The following REPS1 variants were observed in gnomAD, a reference collection of about 807,000 sequenced individuals.
The protein encoded by REPS1 is ralBP1-associated Eps domain-containing protein 1.
In REPS1, 39 loss-of-function variants were observed where a neutral mutation model predicts 100.9. The ratio of observed to expected loss-of-function variants is 0.39; its 90% CI spans 0.30 to 0.50. The LOEUF is 0.50. Ranked by LOEUF, REPS1 falls within the 20% of genes least tolerant of loss-of-function variation. REPS1 has a pLI of 0.86. For missense variants in REPS1, 821 were observed against 968.5 expected (o/e 0.85, Z 2.02); for synonymous variants, 324 against 340.3 (o/e 0.95, Z 0.53).
chr6:138,940,152 C>T (rs1244170990), intron 8 of REPS1, among the ~76,000 whole-genome samples: 2 of 152,180 alleles, frequency 1.3e-5, no homozygotes, highest in Non-Finnish European at 2.9e-5. Flanking sequence ...TAATTTCATG[C>T]ATCTGATTCC....
chr6:138,955,451 A>AG (rs2128487307), intron 1 of REPS1, among the ~76,000 whole-genome samples: 1 of 69,214 alleles, frequency 1.4e-5, no homozygotes, highest in Non-Finnish European at 2.6e-5. Flanking sequence ...AAAAAAAAAA[A>AG]AAAAAAGTGT....
At chr6:138,921,976 A>AGTGTGTGTGTGTGT (rs71895504) in intron 10 of REPS1, among the ~76,000 whole-genome samples, 618 of 148,596 alleles carry the variant, frequency 4.2e-3, no homozygotes, top group Middle Eastern at 0.01. Context: ...CATCTCAAAA[A>AGTGTGTGTGTGTGT]GTGTGTGTGT....
At chr6:138,933,137 G>A (rs1243234478) in intron 8 of REPS1, among the ~76,000 whole-genome samples, 1 of 152,200 alleles carries the variant, frequency 6.6e-6, no homozygotes, top group East Asian at 1.9e-4. Flanking sequence ...TAACCTTTAA[G>A]AAATACCATT....
chr6:138,971,510 G>C, intron 1 of REPS1, among the ~76,000 whole-genome samples: 1 of 151,906 alleles, frequency 6.6e-6, no homozygotes, highest in East Asian at 1.9e-4. Context: ...AAGGTGTCCA[G>C]ATTCTACCAT....
chr6:138,919,940 C>A (rs946830674), intron 12 of REPS1, among the ~76,000 whole-genome samples: 3 of 152,110 alleles, frequency 2.0e-5, no homozygotes, highest in Non-Finnish European at 2.9e-5. Context: ...AAAGTATACA[C>A]AATTTCTTGT....
chr6:138,983,889 A>T (rs1785095322), intron 1 of REPS1, among the ~76,000 whole-genome samples: 1 of 152,178 alleles, frequency 6.6e-6, no homozygotes, highest in Non-Finnish European at 1.5e-5. Flanking sequence ...CTGAATTGCC[A>T]TCTAAGAATG....
intron 13 of REPS1, 53 bp downstream of exon 13, chr6:138,917,501 CA>C: frequency 7.5e-7 from 1 of 1,337,734 alleles, no homozygotes; most frequent in Non-Finnish European, 1.1e-6. Context: ...TAGTTTTAAA[CA>C]TTAAAACGCA....
In REPS1 at chr6:138,987,587, G is replaced by A; in HGVS notation, c.96C>T (p.Asn32=). ...DIESTKKVVV[N]GRVLELFRAA... is the part of the protein sequence containing the mutation. ...CCCGGAACAGCTCCAGCACCCGCCC[G>A]TTGACCACCACCTTCTTGGTGCTCT... Residue 32 remains asparagine, a synonymous_variant, in exon 1 of 20, where the codon AAC becomes AAT. Coordinates refer to ENST00000450536, the MANE Select transcript of REPS1 (RefSeq NM_001286611.2). The A allele has an allele frequency of 1.3e-6, 2 of 1,550,978 alleles. No homozygotes were observed. Among genetic ancestry groups the A allele is most frequent in the African/African-American group, 1.4e-5 (1 of 73,074 alleles).
At chr6:138,923,242 TTTC>T (rs1280651837) in intron 10 of REPS1, among the ~76,000 whole-genome samples, 1 of 152,186 alleles carries the variant, frequency 6.6e-6, no homozygotes, top group African/African-American at 2.4e-5. Flanking sequence ...ACTCTACTAT[TTTC>T]TTAATTTACA....
chr6:138,965,321 T>G (rs1783955676), intron 1 of REPS1, among the ~76,000 whole-genome samples: 1 of 151,922 alleles, frequency 6.6e-6, no homozygotes, highest in South Asian at 2.1e-4. Context: ...TAATTATTTG[T>G]ATTATCTACA....
At chr6:138,941,096 G>A (rs141320536) in intron 8 of REPS1, among the ~76,000 whole-genome samples, 3 of 152,160 alleles carry the variant, frequency 2.0e-5, no homozygotes, top group Non-Finnish European at 4.4e-5. Context: ...ATCTCGGCAA[G>A]TCACAAATAC....
chr6:138,960,037 C>A (rs1365493011), intron 1 of REPS1, among the ~76,000 whole-genome samples: 1 of 152,136 alleles, frequency 6.6e-6, no homozygotes, highest in Non-Finnish European at 1.5e-5. Context: ...AAAATGTATT[C>A]CAAACAACAC....
intron 1 of REPS1, among the ~76,000 whole-genome samples, chr6:138,978,005 T>C (rs1280085610): frequency 3.3e-5 from 5 of 152,238 alleles, no homozygotes; most frequent in South Asian, 2.1e-4. Context: ...GGGGTTAACA[T>C]CTTTTCATAT....
chr6:138,941,175 G>A (rs1348648892), intron 8 of REPS1, among the ~76,000 whole-genome samples, 160 bp downstream of exon 8: 1 of 152,142 alleles, frequency 6.6e-6, no homozygotes, highest in Non-Finnish European at 1.5e-5. Context: ...ACAAATTCAA[G>A]CTTGGCCCAT....
intron 1 of REPS1, among the ~76,000 whole-genome samples, chr6:138,965,580 A>G (rs2128495817): frequency 6.6e-6 from 1 of 152,322 alleles, no homozygotes; most frequent in East Asian, 1.9e-4. Context: ...ATCCAAACTG[A>G]GACATGTGTA....
At chr6:138,957,540 C>T (rs912592418) in intron 1 of REPS1, among the ~76,000 whole-genome samples, 3 of 152,144 alleles carry the variant, frequency 2.0e-5, no homozygotes, top group African/African-American at 7.2e-5. Flanking sequence ...GGATGTCATT[C>T]AGCAAAGTGT....
chr6:138,929,100 C>A (rs2128456249), intron 9 of REPS1: 1 of 152,136 alleles, frequency 6.6e-6, no homozygotes, highest in East Asian at 1.9e-4. Context: ...CTTAAAATTT[C>A]TTCCTGAAAG....
chr6:138,910,242 A>T (rs1318465120), intron 17 of REPS1, among the ~76,000 whole-genome samples: 1 of 152,194 alleles, frequency 6.6e-6, no homozygotes, highest in Non-Finnish European at 1.5e-5. Context: ...ACCATGTGAC[A>T]CACCGGCTCC....
intron 1 of REPS1, among the ~76,000 whole-genome samples, chr6:138,956,393 G>C (rs747264435): frequency 3.9e-5 from 6 of 151,966 alleles, no homozygotes; most frequent in Admixed American, 2.0e-4. Context: ...CTAGGGATGG[G>C]ACTGGGACAG....
Sources: allele counts gnomAD v4.1 joint callset (sites outside exome capture counted in the v4.1 genomes callset), GRCh38; gene constraint gnomAD v4.1.1; transcripts MANE v1.5; gene names NCBI Gene and HGNC (gene_info 2026-07-23, HGNC 2026-07-21).